Variants in DCC observed in about 807,000 individuals in gnomAD.
DCC encodes the protein netrin receptor DCC.
DCC carries 58 observed loss-of-function variants against 172.5 expected under a neutral mutation model. The observed-to-expected ratio is 0.34, with a 90% CI of 0.27 to 0.42. The LOEUF is 0.42. Ranked by LOEUF, DCC falls within the 10% of genes least tolerant of loss-of-function variation. The pLI, the probability that DCC is intolerant of heterozygous loss-of-function variation, is 1.00. For missense variants in DCC, 1,740 were observed against 1,791.0 expected (o/e 0.97, Z 0.51); for synonymous variants, 709 against 644.5 (o/e 1.10, Z -1.52).
chr18:52,807,198 A>C lies in DCC; in HGVS notation c.412+54824A>C, dbSNP rs528509913. On this transcript the variant is annotated intron_variant, in intron 2 of 28. Transcript: ENST00000442544. ...GACAGAGCGAGACTGTCTCAAAAAA[A>C]TTCAGAGTTAAGGTGGAGTGGTACT... Among the ~76,000 whole-genome samples the C allele has an allele frequency of 5.3e-5, 8 of 152,300 alleles. No homozygotes were observed. The South Asian group carries it at 6.2e-4, about 12-fold the overall frequency.
intron 2 of DCC, among the ~76,000 whole-genome samples, chr18:52,883,891 T>C (rs1431086597): frequency 6.6e-6 from 1 of 151,772 alleles, no homozygotes; most frequent in African/African-American, 2.4e-5. Context: ...ACATATCTGG[T>C]GTTGATGAAA....
At chr18:53,209,748 C>T (rs1221868410) in intron 11 of DCC, among the ~76,000 whole-genome samples, 1 of 152,062 alleles carries the variant, frequency 6.6e-6, no homozygotes, top group Non-Finnish European at 1.5e-5. Context: ...TACTTCACAA[C>T]TTATAATTAT....
chr18:53,369,825 C>T (rs940236766), intron 15 of DCC, among the ~76,000 whole-genome samples: 1 of 151,508 alleles, frequency 6.6e-6, no homozygotes, highest in Non-Finnish European at 1.5e-5. Flanking sequence ...TCTCACTTGG[C>T]CTTAATATAA....
At chr18:53,490,620 G>C (rs1038546718) in intron 26 of DCC, among the ~76,000 whole-genome samples, 1 of 152,162 alleles carries the variant, frequency 6.6e-6, no homozygotes, top group Non-Finnish European at 1.5e-5. Context: ...GCAGGGGCAC[G>C]TCATGGACAA....
chr18:53,458,430 A>G (rs888040622), intron 23 of DCC, among the ~76,000 whole-genome samples: 5 of 152,180 alleles, frequency 3.3e-5, no homozygotes, highest in African/African-American at 9.6e-5. Flanking sequence ...TTGGCTTGCA[A>G]ACTGTAGTTT....
intron 1 of DCC, among the ~76,000 whole-genome samples, chr18:52,375,128 C>T (rs990589177): frequency 6.6e-6 from 1 of 152,154 alleles, no homozygotes; most frequent in Non-Finnish European, 1.5e-5. Context: ...TGTGTTAGGA[C>T]TCTTATTAAA....
chr18:52,461,536 C>T (rs1201807025), intron 1 of DCC, among the ~76,000 whole-genome samples: 1 of 152,082 alleles, frequency 6.6e-6, no homozygotes, highest in Admixed American at 6.6e-5. Flanking sequence ...ACTGGCAGCA[C>T]AATAGTTTTG....
At chr18:52,472,837 T>G (rs1017669366) in intron 1 of DCC, among the ~76,000 whole-genome samples, 2 of 151,834 alleles carry the variant, frequency 1.3e-5, no homozygotes, top group African/African-American at 4.8e-5. Context: ...AGCTAAGGGG[T>G]TTGAGGCTGC....
rs2037006807 is a variant in DCC, at chr18:52,752,235, A to G, written c.273A>G (p.Gln91=). The G allele has an allele frequency of 6.2e-7, 1 of 1,614,072 alleles. No individual in the cohort carries two copies. The highest frequency in any genetic ancestry group is 1.7e-5 in the Admixed American group (1 of 60,004). Reference sequence around the variant, plus strand: ...TGGGAATGGATGAAAGGAAGCAGCAACTTTCAAATGGGTCTCTGCTGATAC... The same window carrying G: ...TGGGAATGGATGAAAGGAAGCAGCAGCTTTCAAATGGGTCTCTGCTGATAC... ...LALGMDERKQ[Q]LSNGSLLIQN... is the part of the protein sequence containing the mutation. Residue 91 remains glutamine (Q), a synonymous_variant, in exon 2 of 29, where the codon CAA becomes CAG. Transcript: ENST00000442544.
intron 2 of DCC, among the ~76,000 whole-genome samples, chr18:52,891,274 G>A (rs1333765452): frequency 6.6e-6 from 1 of 151,938 alleles, no homozygotes; most frequent in African/African-American, 2.4e-5. Context: ...TACTAGACAG[G>A]CAGCTCCCTT....
intron 2 of DCC, among the ~76,000 whole-genome samples, chr18:52,889,677 G>A (rs1352334884): frequency 1.3e-5 from 2 of 152,038 alleles, no homozygotes; most frequent in Non-Finnish European, 2.9e-5. Context: ...ACATTTATTA[G>A]TTGTTTCAAA....
intron 1 of DCC, among the ~76,000 whole-genome samples, chr18:52,362,188 G>A (rs1457647584): frequency 6.6e-6 from 1 of 152,248 alleles, no homozygotes; most frequent in Non-Finnish European, 1.5e-5. Flanking sequence ...AAGGATGGCA[G>A]TCCTGTTTCC....
intron 1 of DCC, among the ~76,000 whole-genome samples, chr18:52,612,220 A>G (rs1282451192): frequency 6.6e-6 from 1 of 152,164 alleles, no homozygotes; most frequent in Non-Finnish European, 1.5e-5. Context: ...TCTTTGGCTC[A>G]GTCAGGTGAT....
chr18:53,459,979 TAC>T (rs1178459646), intron 24 of DCC, among the ~76,000 whole-genome samples: 1 of 146,244 alleles, frequency 6.8e-6, no homozygotes, highest in African/African-American at 2.5e-5. Flanking sequence ...GTCATCCACA[TAC>T]AGTCACCTTA....
At chr18:53,240,256 A>G (rs923416851) in intron 12 of DCC, among the ~76,000 whole-genome samples, 5 of 152,126 alleles carry the variant, frequency 3.3e-5, no homozygotes, top group African/African-American at 1.2e-4. Flanking sequence ...TTAAAAATAA[A>G]TGAAAAAGCC....
At position 53,063,255 on chromosome 18, in the gene DCC, A is replaced by C. The variant is rs764145880; in HGVS notation, c.986-50A>C. On this transcript the variant is annotated intron_variant, in intron 5 of 28. Transcript: ENST00000442544. The stretch of plus-strand genomic sequence containing the variant: ...CTCAGTGAAGACCTCAGCAGCATGC[A>C]AGTTCACATCCCCACCCACTCACTC... The C allele has an allele frequency of 3.8e-6, 6 of 1,586,574 alleles. No individual in the cohort carries two copies. The South Asian group carries it at 4.4e-5, about 12-fold the overall frequency.
intron 1 of DCC, among the ~76,000 whole-genome samples, chr18:52,599,584 T>C (rs1014615129): frequency 6.6e-6 from 1 of 152,090 alleles, no homozygotes; most frequent in African/African-American, 2.4e-5. Flanking sequence ...GCGCAATCTC[T>C]GCTCACTGCA....
At chr18:52,527,777 G>T (rs1399909975) in intron 1 of DCC, among the ~76,000 whole-genome samples, 1 of 152,136 alleles carries the variant, frequency 6.6e-6, no homozygotes, top group East Asian at 1.9e-4. Context: ...GCTGGTAAAA[G>T]TATTTTCAAG....
chr18:52,423,911 G>T (rs1987336049), intron 1 of DCC, among the ~76,000 whole-genome samples: 1 of 152,092 alleles, frequency 6.6e-6, no homozygotes, highest in East Asian at 1.9e-4. Context: ...GTGTGTGAAT[G>T]GCAGGAATAT....
Sources: gnomAD v4.1 joint callset for allele counts (sites outside exome capture counted in the v4.1 genomes callset) on GRCh38, gnomAD v4.1.1 for gene constraint, MANE v1.5 for transcripts, NCBI Gene and HGNC (gene_info 2026-07-23, HGNC 2026-07-21) for gene names.